The following GLIS1 variants were observed in gnomAD, a reference collection of about 807,000 sequenced individuals.
GLIS1 encodes the protein GLIS family zinc finger 1.
Under a neutral mutation model 63.8 loss-of-function variants are expected in GLIS1, and 24 were observed. The ratio of observed to expected loss-of-function variants is 0.38; its 90% CI spans 0.27 to 0.53. The LOEUF is 0.53. Among genes scored for constraint, GLIS1 ranks in the 20% least tolerant of loss-of-function variants. GLIS1 has a pLI of 0.85. For missense variants in GLIS1, 1,036 were observed against 1,074.1 expected (o/e 0.96, Z 0.50); for synonymous variants, 450 against 482.5 (o/e 0.93, Z 0.88).
chr1:53,601,109 G>A (rs1322960467), intron 2 of GLIS1, among the ~76,000 whole-genome samples: 2 of 152,150 alleles, frequency 1.3e-5, no homozygotes, highest in South Asian at 4.1e-4. Context: ...ACAGAGCAAA[G>A]CTAGGGAGGA....
At chr1:53,572,563 C>A (rs1037328581) in intron 4 of GLIS1, among the ~76,000 whole-genome samples, 7 of 152,202 alleles carry the variant, frequency 4.6e-5, no homozygotes, top group African/African-American at 1.7e-4. Flanking sequence ...TCAGGTGGCA[C>A]CATGGCCAAC....
chr1:53,580,460 A>G (rs1202665938), intron 4 of GLIS1, among the ~76,000 whole-genome samples: 1 of 152,152 alleles, frequency 6.6e-6, no homozygotes, highest in Admixed American at 6.5e-5. Context: ...TATGCTCCAA[A>G]TCCATGAAGA....
intron 2 of GLIS1, among the ~76,000 whole-genome samples, chr1:53,708,007 G>T (rs1190370655): frequency 1.3e-5 from 2 of 151,974 alleles, no homozygotes; most frequent in African/African-American, 2.4e-5. Context: ...AAAGCACCAG[G>T]CGCGGTGGCT....
intron 4 of GLIS1, among the ~76,000 whole-genome samples, chr1:53,579,974 T>C (rs1347417094): frequency 2.0e-5 from 3 of 152,222 alleles, no homozygotes. Context: ...TCATTTCCAC[T>C]GAACAGGTAA....
intron 2 of GLIS1, among the ~76,000 whole-genome samples, chr1:53,660,243 G>A (rs1041355288): frequency 2.0e-5 from 3 of 152,106 alleles, no homozygotes; most frequent in African/African-American, 7.2e-5. Flanking sequence ...TGCAAGATGA[G>A]CTCATTTCAC....
intron 4 of GLIS1, among the ~76,000 whole-genome samples, chr1:53,536,461 C>T (rs948962202): frequency 2.0e-5 from 3 of 152,048 alleles, no homozygotes; most frequent in African/African-American, 7.3e-5. Flanking sequence ...TGACACCTAC[C>T]GTAGGCCAAG....
At chr1:53,696,967 C>A (rs1646471510) in intron 2 of GLIS1, among the ~76,000 whole-genome samples, 2 of 152,320 alleles carry the variant, frequency 1.3e-5, no homozygotes, top group South Asian at 4.1e-4. Flanking sequence ...CCCATACAGC[C>A]CCTCTCGAGA....
rs978906822 is a variant in GLIS1 at position 53,611,333 on chromosome 1, T to G, written c.260-11055A>C. Among the ~76,000 whole-genome samples the G allele has an allele frequency of 3.3e-5, 5 of 152,184 alleles. No individual in the cohort carries two copies. In the South Asian group the frequency reaches 1.0e-3, roughly 32 times the overall value. On this transcript the variant is annotated intron_variant, in intron 2 of 10. Coordinates refer to ENST00000628545, the MANE Select transcript of GLIS1 (RefSeq NM_001367484.1). The stretch of plus-strand genomic sequence containing the variant: ...TTGAACTTCTGGGCTCAAGTGATCC[T>G]CCTGCCTTGACCTCCCAAAGTGCTG...
Position 53,560,308 on chromosome 1 carries a change from G to A in GLIS1, c.1321-30356C>T, listed in dbSNP as rs1326880117. On this transcript the variant is annotated intron_variant, in intron 4 of 10. Transcript: ENST00000628545. This position sits in a 1 kb window ranked among gnomAD's most constrained non-coding sequence, Gnocchi z 4.4. The stretch of plus-strand genomic sequence containing the variant: ...CTGTCCCAGCACTGAGGGAAGACAA[G>A]GAGCCCTAGGGGTTGCTGGGCCTGC... Among the ~76,000 whole-genome samples, 2 of 152,216 alleles carry A rather than the reference G, an allele frequency of 1.3e-5. No homozygotes were observed. Among genetic ancestry groups the A allele is most frequent in the African/African-American group, 4.8e-5 (2 of 41,452 alleles).
chr1:53,518,360 T>C (rs1183245587), intron 7 of GLIS1, among the ~76,000 whole-genome samples: 1 of 152,176 alleles, frequency 6.6e-6, no homozygotes, highest in Non-Finnish European at 1.5e-5. Flanking sequence ...GCGTGTGCCT[T>C]CTGAGGCCGA....
Position 53,594,497 on chromosome 1 carries a change from G to C in GLIS1, c.931C>G (p.Leu311Val). ...AAGCTCGCCTTCCGGCAGGCTTCAA[G>C]TTGCAAGCTGCCCTCATGGCTGTCC... ...STDSHEGSLQLEACRKASFLK... is the reference protein window; with the variant it reads ...STDSHEGSLQVEACRKASFLK... Residue 311 changes from leucine to valine, a missense_variant, in exon 4 of 11, where the codon CTT becomes GTT. Leu to Val is a conservative substitution (Grantham distance 32). Transcript: ENST00000628545. The C allele has an allele frequency of 6.8e-6, 11 of 1,613,068 alleles. No individual in the cohort carries two copies. The highest frequency in any genetic ancestry group is 1.3e-5 in the African/African-American group (1 of 75,080).
intron 4 of GLIS1, among the ~76,000 whole-genome samples, chr1:53,573,057 CCAG>C (rs1644998453): frequency 6.6e-6 from 1 of 152,208 alleles, no homozygotes; most frequent in South Asian, 2.1e-4. Context: ...CAGGTTACCA[CCAG>C]CAGTTTATGG....
chr1:53,658,926 G>A (rs1330507074), intron 2 of GLIS1, among the ~76,000 whole-genome samples: 1 of 152,214 alleles, frequency 6.6e-6, no homozygotes, highest in East Asian at 1.9e-4. Flanking sequence ...GCAGGCAGGA[G>A]GAAGGTCTGA....
chr1:53,655,773 T>C (rs1305292878), intron 2 of GLIS1, among the ~76,000 whole-genome samples: 1 of 152,208 alleles, frequency 6.6e-6, no homozygotes, highest in Non-Finnish European at 1.5e-5. Context: ...GCAATAACCT[T>C]GTGCTGGTTT....
chr1:53,566,864 A>G (rs1569840380), intron 4 of GLIS1, among the ~76,000 whole-genome samples: 1 of 152,220 alleles, frequency 6.6e-6, no homozygotes, highest in African/African-American at 2.4e-5. Context: ...CTGTAGGTCA[A>G]TTAGACCTCT....
At chr1:53,650,806 ACCCCGTCTG>A (rs1645898873) in intron 2 of GLIS1, among the ~76,000 whole-genome samples, 1 of 152,176 alleles carries the variant, frequency 6.6e-6, no homozygotes, top group South Asian at 2.1e-4. Context: ...CTGGGATCTC[ACCCCGTCTG>A]CCCACTGCAA....
At chr1:53,677,063 G>A (rs1417129684) in intron 2 of GLIS1, among the ~76,000 whole-genome samples, 2 of 152,168 alleles carry the variant, frequency 1.3e-5, no homozygotes, top group Non-Finnish European at 2.9e-5. Context: ...AGCAGGTACC[G>A]CACAAGCCCA....
chr1:53,519,513 A>G (rs1475871271), intron 7 of GLIS1, among the ~76,000 whole-genome samples: 1 of 152,240 alleles, frequency 6.6e-6, no homozygotes, highest in Non-Finnish European at 1.5e-5. Flanking sequence ...CTGTTCTGAT[A>G]CTGTGGTTTC....
At chr1:53,540,080 G>A (rs1385062363) in intron 4 of GLIS1, among the ~76,000 whole-genome samples, 1 of 152,152 alleles carries the variant, frequency 6.6e-6, no homozygotes, top group African/African-American at 2.4e-5. Flanking sequence ...TCCCGATGCT[G>A]CGGCCAGGAC....
Sources: allele counts gnomAD v4.1 joint callset (sites outside exome capture counted in the v4.1 genomes callset), GRCh38; gene constraint gnomAD v4.1.1; non-coding constraint Gnocchi (gnomAD v3.1); transcripts MANE v1.5; gene names NCBI Gene and HGNC (gene_info 2026-07-23, HGNC 2026-07-21).